C5orf47: variants seen among roughly 807,000 people sequenced by gnomAD.
C5orf47 encodes chromosome 5 open reading frame 47.
C5orf47 carries 20 observed loss-of-function variants against 20.6 expected under a neutral mutation model. That is an observed-to-expected ratio of 0.97 (90% CI 0.68 to 1.41). The LOEUF is 1.41. Ranked by LOEUF, C5orf47 falls within the 40% of genes most tolerant of loss-of-function variation. The pLI is 0.00. For synonymous variants in C5orf47, 106 were observed against 97.3 expected (o/e 1.09, Z -0.53); for missense variants, 262 against 238.4 (o/e 1.10, Z -0.65).
intron 1 of C5orf47, among the ~76,000 whole-genome samples, chr5:173,994,620 G>C (rs527544048): frequency 1.3e-5 from 2 of 152,120 alleles, no homozygotes; most frequent in African/African-American, 4.8e-5. Context: ...GAAGAATTGC[G>C]GCCAAGTCTG....
In C5orf47 at chr5:173,995,556, TG is replaced by T. The variant is rs577035150; in HGVS notation, c.326-2592del. The stretch of plus-strand genomic sequence containing the variant: ...ATTCTCAGTGTCCTTATCTGTAAAA[TG>T]GGGGTAATGGTTCCTACCTTAAAGG... On this transcript the variant is annotated intron_variant, in intron 1 of 4. Coordinates refer to ENST00000340147, the MANE Select transcript of C5orf47 (RefSeq NM_001144954.2). 2.2e-3 allele frequency among the ~76,000 whole-genome samples: 341 copies of T among 152,318 alleles called. 1 individual carries two copies. The highest frequency in any genetic ancestry group is 7.8e-3 in the African/African-American group (326 of 41,574).
intron 4 of C5orf47, among the ~76,000 whole-genome samples, chr5:174,002,221 A>G (rs1759211751): frequency 6.6e-6 from 1 of 152,078 alleles, no homozygotes; most frequent in African/African-American, 2.4e-5. Context: ...TCAGCTTTCC[A>G]AAGTGTTGGA....
intron 3 of C5orf47, among the ~76,000 whole-genome samples, chr5:174,000,523 T>G (rs887607831): frequency 5.3e-5 from 8 of 152,178 alleles, no homozygotes; most frequent in Non-Finnish European, 1.2e-4. Context: ...TTCCTGCACA[T>G]GCTATCATGA....
In C5orf47 at chr5:173,999,748, G is replaced by A; in HGVS notation, c.460G>A (p.Glu154Lys). The A allele has an allele frequency of 6.5e-7, 1 of 1,535,584 alleles. No homozygotes were observed. Among genetic ancestry groups the A allele is most frequent in the South Asian group, 1.2e-5 (1 of 81,748 alleles). Residue 154 changes from glutamate to lysine, a missense_variant, in exon 3 of 5, where the codon GAA (glutamate) becomes AAA (lysine). Physicochemically the swap from Glu to Lys is moderately conservative, Grantham distance 56 (BLOSUM62 1). Coordinates refer to ENST00000340147, the MANE Select transcript of C5orf47 (RefSeq NM_001144954.2). ...VYKVISRMLE[E>K]NEKYRHRLKC... ...CAAAGTCATTTCAAGAATGCTTGAAGAAAATGAAAAATATAGACACAGGCT... is the reference window on the plus strand; with the variant it reads ...CAAAGTCATTTCAAGAATGCTTGAAAAAAATGAAAAATATAGACACAGGCT...
chr5:173,998,366 G>A, intron 2 of C5orf47, 128 bp downstream of exon 2: 4 of 562,738 alleles, frequency 7.1e-6, no homozygotes, highest in Non-Finnish European at 9.3e-6. Context: ...TTTCTGAAAT[G>A]AGAAATAGAA....
Position 173,989,515 on chromosome 5 carries a change from G to T in C5orf47, c.252G>T (p.Glu84Asp), listed in dbSNP as rs1444989207. The T allele has an allele frequency of 6.5e-7, 1 of 1,538,000 alleles. No homozygotes were observed. The highest frequency in any genetic ancestry group is 8.8e-7 in the Non-Finnish European group (1 of 1,141,236). Residue 84 changes from glutamate to aspartate, a missense_variant, in exon 1 of 5, where the codon GAG becomes GAT. Physicochemically the swap from Glu to Asp is conservative, Grantham distance 45. Transcript: ENST00000340147. Reference sequence around the variant, plus strand: ...GGGTCCCCACGACCCCTGGTGTGGAGGCTGCGGCCTCTGCCTCCTCCCAGC... The same window carrying T: ...GGGTCCCCACGACCCCTGGTGTGGATGCTGCGGCCTCTGCCTCCTCCCAGC... ...QLRVPTTPGV[E>D]AAASASSQLR...
intron 1 of C5orf47, among the ~76,000 whole-genome samples, 185 bp from the exon 2 acceptor site, chr5:173,997,968 A>G (rs1332171108): frequency 1.3e-5 from 2 of 152,160 alleles, no homozygotes; most frequent in African/African-American, 4.8e-5. Flanking sequence ...GATTATGTCT[A>G]GTTTTCTTGG....
In C5orf47 at chr5:173,989,220, C is replaced by G. The variant is rs566318943; in HGVS notation, c.-44C>G. ...ACAGTGGGCAGTCTGGCGCCTGTGGCGTCGTGTTTGCTGAGGGCCCGGCTG... is the reference window on the plus strand; with the variant it reads ...ACAGTGGGCAGTCTGGCGCCTGTGGGGTCGTGTTTGCTGAGGGCCCGGCTG... On this transcript the variant is annotated 5_prime_UTR_variant, in exon 1 of 5. Transcript: ENST00000340147. The G allele has an allele frequency of 8.8e-6, 12 of 1,362,574 alleles. No homozygotes were observed. Among genetic ancestry groups the G allele is most frequent in the Non-Finnish European group, 1.1e-5 (12 of 1,058,896 alleles). 84.4% of individuals were successfully genotyped at this position (1,362,574 alleles called of 1,614,324 possible).
chr5:173,997,990 A>T (rs1176599958), intron 1 of C5orf47, among the ~76,000 whole-genome samples, 163 bp from the exon 2 acceptor site: 1 of 152,196 alleles, frequency 6.6e-6, no homozygotes, highest in African/African-American at 2.4e-5. Flanking sequence ...TGTTTTCAAC[A>T]TGTTATTAGT....
downstream of C5orf47, among the ~76,000 whole-genome samples, chr5:174,007,391 G>T (rs1261461075): frequency 6.6e-6 from 1 of 152,204 alleles, no homozygotes; most frequent in Non-Finnish European, 1.5e-5. Context: ...GAACACAGCT[G>T]CTTTGCTAGA....
At chr5:174,003,083 C>T (rs1190041162) in intron 4 of C5orf47, among the ~76,000 whole-genome samples, 4 of 151,822 alleles carry the variant, frequency 2.6e-5, no homozygotes, top group African/African-American at 7.3e-5. Flanking sequence ...ACTTTGAGCT[C>T]TTGGTTAAGT....
downstream of C5orf47, among the ~76,000 whole-genome samples, chr5:174,007,949 C>G (rs1038486011): frequency 9.9e-5 from 15 of 152,160 alleles, no homozygotes; most frequent in African/African-American, 3.6e-4. Flanking sequence ...ACATTAATAA[C>G]TTTATGCTGA....
In C5orf47 at chr5:173,989,521, G is replaced by A. The variant is rs1379943731; in HGVS notation, c.258G>A (p.Ala86=). The A allele has an allele frequency of 5.9e-6, 9 of 1,533,932 alleles. No individual in the cohort carries two copies. The South Asian group carries it at 8.5e-5, about 14-fold the overall frequency. ...RVPTTPGVEA[A]ASASSQLRAS... The stretch of plus-strand genomic sequence containing the variant: ...CCACGACCCCTGGTGTGGAGGCTGC[G>A]GCCTCTGCCTCCTCCCAGCTGCGGG... Residue 86 remains alanine (A), a synonymous_variant, in exon 1 of 5, where the codon GCG becomes GCA. Coordinates refer to ENST00000340147, the MANE Select transcript of C5orf47 (RefSeq NM_001144954.2).
chr5:173,996,904 G>GA (rs1474384565), intron 1 of C5orf47, among the ~76,000 whole-genome samples: 1 of 151,982 alleles, frequency 6.6e-6, no homozygotes, highest in Non-Finnish European at 1.5e-5. Flanking sequence ...TCAGAATATT[G>GA]AAAAAAACTG....
chr5:174,001,045 G>A (rs1481477580), intron 3 of C5orf47, 151 bp from the exon 4 acceptor site: 1 of 625,088 alleles, frequency 1.6e-6, no homozygotes, highest in Non-Finnish European at 2.8e-6. Flanking sequence ...TTACATTACA[G>A]TGTTAAACTA....
At chr5:173,989,873 T>C (rs1758956439) in intron 1 of C5orf47, among the ~76,000 whole-genome samples, 1 of 152,046 alleles carries the variant, frequency 6.6e-6, no homozygotes, top group African/African-American at 2.4e-5. Context: ...TCCAGCTGAG[T>C]GAGATTCGTT....
chr5:174,005,303 G>C lies in C5orf47; in HGVS notation c.*1049G>C, dbSNP rs190179576. 1 of 152,122 alleles carries C rather than the reference G, an allele frequency of 6.6e-6. No individual in the cohort carries two copies. Among genetic ancestry groups the C allele is most frequent in the African/African-American group, 2.4e-5 (1 of 41,428 alleles). 9.4% of individuals were successfully genotyped at this position (152,122 alleles called of 1,614,324 possible). Reference sequence around the variant, plus strand: ...TGGGCTTCCTAATTATTTTACAAAGGTATTACAAAGTGTTAATATACAAAA... The same window carrying C: ...TGGGCTTCCTAATTATTTTACAAAGCTATTACAAAGTGTTAATATACAAAA... On this transcript the variant is annotated 3_prime_UTR_variant, in exon 5 of 5. Coordinates refer to ENST00000340147, the MANE Select transcript of C5orf47 (RefSeq NM_001144954.2).
At chr5:173,997,641 G>A (rs967621706) in intron 1 of C5orf47, among the ~76,000 whole-genome samples, 15 of 152,120 alleles carry the variant, frequency 9.9e-5, no homozygotes, top group African/African-American at 3.1e-4. Context: ...GTGTGTTTGA[G>A]GGAAGGCTGT....
intron 1 of C5orf47, among the ~76,000 whole-genome samples, chr5:173,993,369 G>A (rs746771692): frequency 1.3e-5 from 2 of 152,190 alleles, no homozygotes; most frequent in Non-Finnish European, 1.5e-5. Context: ...GGAGCCAGGC[G>A]CGGTGGCTCA....
Sources: gnomAD v4.1 joint callset for allele counts (sites outside exome capture counted in the v4.1 genomes callset) on GRCh38, gnomAD v4.1.1 for gene constraint, MANE v1.5 for transcripts, NCBI Gene and HGNC (gene_info 2026-07-23, HGNC 2026-07-21) for gene names.